CASQ2: variants seen among roughly 807,000 people sequenced by gnomAD.
The protein encoded by CASQ2 is calsequestrin-2.
Under a neutral mutation model 46.5 loss-of-function variants are expected in CASQ2, and 49 were observed. The observed-to-expected ratio is 1.05, with a 90% confidence interval of 0.84 to 1.34. The LOEUF is 1.34. CASQ2 is among the 40% of genes most tolerant of loss of function. The pLI, the probability that CASQ2 is intolerant of heterozygous loss-of-function variation, is 0.00. For missense variants in CASQ2, 486 were observed against 481.3 expected (o/e 1.01, Z -0.09); for synonymous variants, 174 against 168.5 (o/e 1.03, Z -0.25).
intron 8 of CASQ2, among the ~76,000 whole-genome samples, chr1:115,706,274 T>A (rs1654360859): frequency 6.6e-6 from 1 of 152,182 alleles, no homozygotes; most frequent in Non-Finnish European, 1.5e-5. Flanking sequence ...CTCCATTGTT[T>A]CAGGGAATCC....
At chr1:115,738,192 G>T (rs769809350) in intron 4 of CASQ2, 32 bp downstream of exon 4, 4 of 1,314,986 alleles carry the variant, frequency 3.0e-6, no homozygotes, top group Non-Finnish European at 3.3e-6. Context: ...CTAGCTTTTA[G>T]ACTGATCGGC....
At chr1:115,732,217 T>C (rs1647812654) in intron 5 of CASQ2, 1 of 152,298 alleles carries the variant, frequency 6.6e-6, no homozygotes, top group Non-Finnish European at 1.5e-5. Flanking sequence ...ACCTGGCCCA[T>C]AATAGACACT....
chr1:115,713,117 A>T (rs1397906022), intron 8 of CASQ2, among the ~76,000 whole-genome samples: 1 of 151,762 alleles, frequency 6.6e-6, no homozygotes, highest in Non-Finnish European at 1.5e-5. Context: ...TAATATTCCC[A>T]GTGCCCTTTG....
chr1:115,728,373 C>T (rs1161202397), intron 5 of CASQ2, among the ~76,000 whole-genome samples: 1 of 152,126 alleles, frequency 6.6e-6, no homozygotes, highest in East Asian at 1.9e-4. Context: ...ATGTTGACAG[C>T]TATAGTCAGT....
intron 8 of CASQ2, among the ~76,000 whole-genome samples, chr1:115,711,325 C>T (rs577009979): frequency 3.3e-5 from 5 of 152,246 alleles, no homozygotes; most frequent in East Asian, 3.9e-4. Context: ...AACCACACAG[C>T]TTAGAGGTTG....
intron 8 of CASQ2, among the ~76,000 whole-genome samples, chr1:115,710,321 A>C (rs1299281432): frequency 2.0e-5 from 3 of 152,186 alleles, no homozygotes; most frequent in Non-Finnish European, 2.9e-5. Context: ...AAGAGGATGG[A>C]ATTAAGACCC....
At chr1:115,729,267 C>T (rs1371378255) in intron 5 of CASQ2, among the ~76,000 whole-genome samples, 1 of 152,008 alleles carries the variant, frequency 6.6e-6, no homozygotes. Flanking sequence ...CCAGGCTGGT[C>T]TTGAACTACT....
intron 1 of CASQ2, among the ~76,000 whole-genome samples, chr1:115,750,225 C>T (rs1040704827): frequency 6.6e-6 from 1 of 152,212 alleles, no homozygotes; most frequent in African/African-American, 2.4e-5. Flanking sequence ...GTCAATATAT[C>T]TCCTAAATTC....
chr1:115,744,292 C>T (rs1330891853), intron 2 of CASQ2, among the ~76,000 whole-genome samples: 3 of 152,276 alleles, frequency 2.0e-5, no homozygotes, highest in Admixed American at 6.5e-5. Flanking sequence ...CTTCCATGTG[C>T]GGTCACTTAA....
At chr1:115,729,454 G>A (rs1021945419) in intron 5 of CASQ2, among the ~76,000 whole-genome samples, 2 of 152,086 alleles carry the variant, frequency 1.3e-5, no homozygotes, top group Non-Finnish European at 2.9e-5. Flanking sequence ...GTATTTAGTG[G>A]GGCCTACTGA....
chr1:115,728,581 CTG>C (rs1348698262), intron 5 of CASQ2, among the ~76,000 whole-genome samples: 1 of 152,148 alleles, frequency 6.6e-6, no homozygotes, highest in African/African-American at 2.4e-5. Context: ...AACCAGAAGA[CTG>C]TTTCCATGAA....
chr1:115,747,303 G>A (rs1051459815), intron 1 of CASQ2, among the ~76,000 whole-genome samples: 4 of 152,054 alleles, frequency 2.6e-5, no homozygotes, highest in African/African-American at 9.7e-5. Context: ...GTCTATTTGT[G>A]GTTTCTCGAT....
chr1:115,762,319 G>C (rs913224727), intron 1 of CASQ2, among the ~76,000 whole-genome samples: 1 of 152,152 alleles, frequency 6.6e-6, no homozygotes, highest in African/African-American at 2.4e-5. Flanking sequence ...CTCATGCAAA[G>C]ATTATTGAGT....
At chr1:115,713,231 G>A (rs575234197) in intron 8 of CASQ2, among the ~76,000 whole-genome samples, 3 of 152,328 alleles carry the variant, frequency 2.0e-5, no homozygotes, top group Admixed American at 6.5e-5. Context: ...ATCTAGGGGT[G>A]GTGAGGAAGA....
chr1:115,706,858 T>C (rs1296703078), intron 8 of CASQ2, among the ~76,000 whole-genome samples: 1 of 152,166 alleles, frequency 6.6e-6, no homozygotes, highest in Non-Finnish European at 1.5e-5. Context: ...AAAGTTTTTT[T>C]CTACACTTCT....
chr1:115,736,636 C>T (rs1335202062), intron 4 of CASQ2, among the ~76,000 whole-genome samples: 4 of 151,350 alleles, frequency 2.6e-5, no homozygotes, highest in Non-Finnish European at 5.9e-5. Context: ...AACTAGGTCT[C>T]AAAAAAAAGC....
intron 5 of CASQ2, among the ~76,000 whole-genome samples, chr1:115,729,318 G>T (rs1052930470): frequency 3.3e-5 from 5 of 152,054 alleles, no homozygotes; most frequent in Admixed American, 1.3e-4. Context: ...CTCCCAAAGT[G>T]CTGGGATTAC....
At chr1:115,726,787 T>C (rs1284919709) in intron 6 of CASQ2, among the ~76,000 whole-genome samples, 3 of 152,246 alleles carry the variant, frequency 2.0e-5, no homozygotes, top group Admixed American at 1.3e-4. Context: ...TTTATCAAAC[T>C]CTGCTTGCAG....
intron 8 of CASQ2, among the ~76,000 whole-genome samples, chr1:115,713,161 C>T (rs1320647628): frequency 6.6e-6 from 1 of 152,126 alleles, no homozygotes; most frequent in African/African-American, 2.4e-5. Flanking sequence ...CATGTAGAAA[C>T]GCTGCTTTGC....
Sources: allele counts gnomAD v4.1 joint callset (sites outside exome capture counted in the v4.1 genomes callset), GRCh38; gene constraint gnomAD v4.1.1; transcripts MANE v1.5; gene names NCBI Gene and HGNC (gene_info 2026-07-23, HGNC 2026-07-21).